Variants in RNF214 observed in about 807,000 individuals in gnomAD.
RNF214 encodes the protein ring finger protein 214.
RNF214 carries 25 observed loss-of-function variants against 75.9 expected under a neutral mutation model. That is an observed-to-expected ratio of 0.33 (90% CI 0.24 to 0.46). The LOEUF (loss-of-function observed/expected upper bound fraction) is 0.46, where lower values mean the gene tolerates loss of function less well. RNF214 is among the 20% of genes least tolerant of loss of function. The probability of loss-of-function intolerance (pLI) is 1.00; values close to 1 mark genes in which losing one functional copy is unlikely to be tolerated. For synonymous variants in RNF214, 314 were observed against 308.8 expected (o/e 1.02, Z -0.18); for missense variants, 725 against 857.5 (o/e 0.85, Z 1.93).
At chr11:117,282,872 C>T (rs778435220) in intron 13 of RNF214, 22 bp downstream of exon 13, 42 of 1,554,700 alleles carry the variant, frequency 2.7e-5, no homozygotes, top group Non-Finnish European at 3.7e-5. Context: ...TTTCTTTGAA[C>T]ACTGTGATAT....
intron 6 of RNF214, among the ~76,000 whole-genome samples, chr11:117,272,273 A>G (rs909556973): frequency 3.3e-5 from 5 of 152,188 alleles, no homozygotes; most frequent in African/African-American, 1.2e-4. Context: ...GCCTGGACCA[A>G]AGTTTGAGGT....
intron 6 of RNF214, among the ~76,000 whole-genome samples, chr11:117,256,100 C>G (rs2033513715): frequency 6.6e-6 from 1 of 152,106 alleles, no homozygotes; most frequent in Non-Finnish European, 1.5e-5. Context: ...GTGCCACCTG[C>G]TCTAGAAAGC....
chr11:117,259,193 G>A (rs1002935873), intron 6 of RNF214, among the ~76,000 whole-genome samples: 5 of 152,164 alleles, frequency 3.3e-5, no homozygotes, highest in Admixed American at 1.3e-4. Context: ...CTGACCTCAA[G>A]TGAGCTGCCT....
chr11:117,233,044 C>A (rs1305557121), intron 1 of RNF214, among the ~76,000 whole-genome samples: 2 of 152,134 alleles, frequency 1.3e-5, no homozygotes, highest in East Asian at 3.9e-4. Context: ...TCCCGTCTGT[C>A]CCCTGTTCTC....
In RNF214 at chr11:117,276,114, A is replaced by G. The variant is rs575311859; in HGVS notation, c.960-3794A>G. Among the ~76,000 whole-genome samples, 8 of 152,364 alleles carry G rather than the reference A, an allele frequency of 5.3e-5. No individual in the cohort carries two copies. The East Asian group carries it at 1.5e-3, about 29-fold the overall frequency. Reference sequence around the variant, plus strand: ...CAAGTCAATAAATGTGATTCACCACATAAACCGAATTAAAAACCATATGAT... The same window carrying G: ...CAAGTCAATAAATGTGATTCACCACGTAAACCGAATTAAAAACCATATGAT... On this transcript the variant is annotated intron_variant, in intron 6 of 14. Transcript: ENST00000300650.
rs373008488 is a variant in RNF214 at position 117,234,357 on chromosome 11, G to A, written c.85G>A (p.Glu29Lys). ...SSSLCASKSDEGLPDGLSTKD... is the reference protein window; with the variant it reads ...SSSLCASKSDKGLPDGLSTKD... ...TAGTTTATGTGCTTCCAAATCAGAC[G>A]AAGGTCTCCCAGATGGTCTAAGGTA... Residue 29 changes from glutamate to lysine, a missense_variant, in exon 2 of 15, where the codon GAA becomes AAA. Around this residue, in one of 2 missense-constraint regions of RNF214, gnomAD observed 362 missense variants for 344.5 expected, o/e 1.05. Transcript: ENST00000300650. The A allele has an allele frequency of 9.3e-6, 15 of 1,613,570 alleles. No homozygotes were observed. Among genetic ancestry groups the A allele is most frequent in the African/African-American group, 8.0e-5 (6 of 74,918 alleles).
intron 6 of RNF214, among the ~76,000 whole-genome samples, chr11:117,261,993 A>G (rs1398819139): frequency 6.6e-6 from 1 of 150,390 alleles, no homozygotes; most frequent in Non-Finnish European, 1.5e-5. Context: ...CATTTGTGAG[A>G]TAAACCCTAC....
intron 14 of RNF214, among the ~76,000 whole-genome samples, chr11:117,283,682 A>T (rs2034176846): frequency 6.7e-6 from 1 of 148,618 alleles, no homozygotes; most frequent in Non-Finnish European, 1.5e-5. Flanking sequence ...GTTTTTTGAG[A>T]TAGGGTTTCT....
At chr11:117,281,180 C>T in intron 8 of RNF214, 134 bp from the exon 9 acceptor site, 1 of 629,410 alleles carries the variant, frequency 1.6e-6, no homozygotes. Flanking sequence ...AGCCACATTG[C>T]CCAGGCTGGT....
intron 13 of RNF214, 75 bp downstream of exon 13, chr11:117,282,925 T>G (rs1004693213): frequency 3.3e-6 from 4 of 1,210,938 alleles, no homozygotes; most frequent in African/African-American, 1.5e-5. Flanking sequence ...ACAGGTGGAG[T>G]GCAGGAAGAA....
At chr11:117,263,333 T>C (rs187814231) in intron 6 of RNF214, among the ~76,000 whole-genome samples, 1,599 of 149,824 alleles carry the variant, frequency 0.011, 20 homozygotes, top group African/African-American at 0.035. Flanking sequence ...TGGAGTGCAG[T>C]GGTGCAGTCT....
chr11:117,279,601 T>G (rs2034086521), intron 6 of RNF214, among the ~76,000 whole-genome samples: 1 of 152,188 alleles, frequency 6.6e-6, no homozygotes, highest in Non-Finnish European at 1.5e-5. Context: ...ACTTCCAAAG[T>G]GCTGGGATTA....
chr11:117,280,054 T>C, intron 7 of RNF214, 50 bp downstream of exon 7: 1 of 1,537,654 alleles, frequency 6.5e-7, no homozygotes, highest in Admixed American at 1.8e-5. Context: ...GGCTTCCAGA[T>C]GGTATCTACT....
chr11:117,283,780 G>C (rs1245356124), intron 14 of RNF214, among the ~76,000 whole-genome samples: 1 of 152,054 alleles, frequency 6.6e-6, no homozygotes, highest in Non-Finnish European at 1.5e-5. Context: ...AGTCTCTTGA[G>C]TAGCTGAGAT....
At chr11:117,271,623 G>A (rs1382986037) in intron 6 of RNF214, among the ~76,000 whole-genome samples, 1 of 152,188 alleles carries the variant, frequency 6.6e-6, no homozygotes, top group Non-Finnish European at 1.5e-5. Flanking sequence ...GGTTAAATTT[G>A]AAGTATTTGC....
intron 6 of RNF214, among the ~76,000 whole-genome samples, chr11:117,248,605 TGTAGACCAATCA>T (rs1211977977): frequency 6.6e-6 from 1 of 152,206 alleles, no homozygotes; most frequent in African/African-American, 2.4e-5. Context: ...AGAGAGGGCT[TGTAGACCAATCA>T]GTTGTTCTGT....
Position 117,282,843 on chromosome 11 carries a change from C to G in RNF214, c.1943C>G (p.Ser648Cys). ...PSAQVSYPGR[S>C]SHAPATCKLC... is the part of the protein sequence containing the mutation. ...GCCCAAGTTTCATATCCTGGAAGGT[C>G]TTCACATGTAAGACTCTTTTTCTTT... is the stretch of plus-strand genomic sequence containing the variant. Residue 648 changes from serine (S) to cysteine (C), a missense_variant, in exon 13 of 15, where the codon TCT becomes TGT. Physicochemically the swap from Ser to Cys is moderately radical, Grantham distance 112 (BLOSUM62 -1). Around this residue, in one of 2 missense-constraint regions of RNF214, gnomAD observed 363 missense variants for 513.0 expected, o/e 0.71. Transcript: ENST00000300650. 6.2e-7 allele frequency: 1 copy of G among 1,610,738 alleles called. No homozygotes were observed. Among genetic ancestry groups the G allele is most frequent in the Non-Finnish European group, 8.5e-7 (1 of 1,176,938 alleles).
At chr11:117,273,366 A>ATTG (rs1565345354) in intron 6 of RNF214, among the ~76,000 whole-genome samples, 1 of 151,736 alleles carries the variant, frequency 6.6e-6, no homozygotes, top group Admixed American at 6.6e-5. Context: ...TTGTTTTATT[A>ATTG]TTATTATTAT....
At chr11:117,252,686 C>A (rs778380394) in intron 6 of RNF214, among the ~76,000 whole-genome samples, 16 of 151,406 alleles carry the variant, frequency 1.1e-4, no homozygotes, top group Non-Finnish European at 2.1e-4. Flanking sequence ...ACGCCCAGCT[C>A]ATTTTTTGTA....
Sources: gnomAD v4.1 joint callset for allele counts (sites outside exome capture counted in the v4.1 genomes callset) on GRCh38, gnomAD v4.1.1 for gene constraint, gnomAD v4.1.1 regional missense constraint, MANE v1.5 for transcripts, NCBI Gene and HGNC (gene_info 2026-07-23, HGNC 2026-07-21) for gene names.